The following SLC24A2 variants were observed in gnomAD, a reference collection of about 807,000 sequenced individuals.
SLC24A2 encodes solute carrier family 24 member 2, also known as sodium/potassium/calcium exchanger 2.
In SLC24A2, 36 loss-of-function variants were observed where a neutral mutation model predicts 62.0. That is an observed-to-expected ratio of 0.58 (90% CI 0.44 to 0.77). The LOEUF is 0.77. SLC24A2 is among the 30% of genes least tolerant of loss of function. The pLI is 0.00. For synonymous variants in SLC24A2, 358 were observed against 294.0 expected (o/e 1.22, Z -2.23); for missense variants, 846 against 817.9 (o/e 1.03, Z -0.42).
At chr9:20,147,836 C>G in the SLC24A2 span, among the ~76,000 whole-genome samples, 1 of 152,038 alleles carries the variant, frequency 6.6e-6, no homozygotes, top group African/African-American at 2.4e-5. Flanking sequence ...ACTTCCTCAT[C>G]CAAGTCAGTT....
the SLC24A2 span, among the ~76,000 whole-genome samples, chr9:20,128,779 C>T: frequency 6.6e-6 from 1 of 151,922 alleles, no homozygotes; most frequent in South Asian, 2.1e-4. Flanking sequence ...GAAGTTTGAC[C>T]CTTACCTCAT....
At chr9:19,517,969 C>G (rs977026470) in intron 10 of SLC24A2, among the ~76,000 whole-genome samples, 8 of 139,334 alleles carry the variant, frequency 5.7e-5, no homozygotes, top group Admixed American at 5.7e-4. Flanking sequence ...TCTCACACTT[C>G]TAGTGAAGTT....
intron 1 of SLC24A2, among the ~76,000 whole-genome samples, chr9:19,788,018 T>C (rs1015546704): frequency 1.3e-5 from 2 of 152,264 alleles, no homozygotes; most frequent in African/African-American, 4.8e-5. Context: ...AGTTCTCTTT[T>C]TAGTTTTTCT....
the SLC24A2 span, among the ~76,000 whole-genome samples, chr9:20,273,100 G>A: frequency 6.6e-6 from 1 of 152,204 alleles, no homozygotes; most frequent in Non-Finnish European, 1.5e-5. Context: ...ACACCCAACA[G>A]AGGATGTGGA....
chr9:19,621,644 T>C (rs28497595), intron 3 of SLC24A2, among the ~76,000 whole-genome samples: 2 of 152,156 alleles, frequency 1.3e-5, no homozygotes, highest in Admixed American at 6.5e-5. Flanking sequence ...AAATCTGAAA[T>C]GTGATGTGTT....
the SLC24A2 span, among the ~76,000 whole-genome samples, chr9:20,288,035 GA>G: frequency 3.4e-3 from 144 of 42,012 alleles, no homozygotes; most frequent in Middle Eastern, 0.015. Flanking sequence ...GAGGAGTTAG[GA>G]AAAAAACACA....
chr9:20,069,908 A>C, the SLC24A2 span, among the ~76,000 whole-genome samples: 2 of 152,190 alleles, frequency 1.3e-5, no homozygotes, highest in Non-Finnish European at 2.9e-5. Flanking sequence ...ACTTCCTAGT[A>C]TGTGTTCAGA....
At chr9:19,545,890 G>T (rs1311237878) in intron 8 of SLC24A2, among the ~76,000 whole-genome samples, 1 of 152,048 alleles carries the variant, frequency 6.6e-6, no homozygotes, top group African/African-American at 2.4e-5. Context: ...GCCCTCCTCG[G>T]CCTCCCAGAG....
chr9:20,199,551 A>G, the SLC24A2 span, among the ~76,000 whole-genome samples: 5 of 152,180 alleles, frequency 3.3e-5, no homozygotes, highest in Admixed American at 6.5e-5. Context: ...GAGAATCTCT[A>G]TTAACTAGAA....
chr9:20,169,579 A>G, the SLC24A2 span, among the ~76,000 whole-genome samples: 1 of 152,014 alleles, frequency 6.6e-6, no homozygotes, highest in Non-Finnish European at 1.5e-5. Context: ...CAGAAGAGAG[A>G]TAACAATCAC....
At chr9:19,643,132 T>A (rs1818550577) in intron 2 of SLC24A2, among the ~76,000 whole-genome samples, 1 of 152,104 alleles carries the variant, frequency 6.6e-6, no homozygotes, top group Admixed American at 6.6e-5. Flanking sequence ...GCATATCAAA[T>A]GTAAGTTGTC....
At chr9:20,267,581 G>A in the SLC24A2 span, among the ~76,000 whole-genome samples, 36 of 152,160 alleles carry the variant, frequency 2.4e-4, no homozygotes, top group Admixed American at 7.9e-4. Context: ...TCTAAGGGGA[G>A]GCATTGGATG....
the SLC24A2 span, among the ~76,000 whole-genome samples, chr9:19,850,406 C>T: frequency 6.6e-6 from 1 of 151,988 alleles, no homozygotes; most frequent in African/African-American, 2.4e-5. Flanking sequence ...ATGTGCAAAG[C>T]ATATATATAT....
At chr9:19,533,681 A>C (rs371316785) in intron 8 of SLC24A2, among the ~76,000 whole-genome samples, 3 of 152,190 alleles carry the variant, frequency 2.0e-5, no homozygotes, top group Admixed American at 6.5e-5. Context: ...ACTGAGCACC[A>C]CTAAGACCAG....
intron 6 of SLC24A2, among the ~76,000 whole-genome samples, chr9:19,574,670 T>G (rs1835953639): frequency 6.6e-6 from 1 of 152,188 alleles, no homozygotes; most frequent in Non-Finnish European, 1.5e-5. Context: ...ATAAACTATT[T>G]GGATCTTTAT....
At chr9:20,025,525 T>TA in the SLC24A2 span, among the ~76,000 whole-genome samples, 2 of 152,114 alleles carry the variant, frequency 1.3e-5, no homozygotes, top group African/African-American at 4.8e-5. Context: ...TCCCTGGTAG[T>TA]AATAATAATA....
chr9:19,767,560 T>A (rs1822556127), intron 2 of SLC24A2, among the ~76,000 whole-genome samples: 1 of 151,932 alleles, frequency 6.6e-6, no homozygotes, highest in Non-Finnish European at 1.5e-5. Context: ...GGGAGGGAGT[T>A]CCCCAACCCC....
chr9:19,693,867 T>C (rs951416187), intron 2 of SLC24A2, among the ~76,000 whole-genome samples: 1 of 152,082 alleles, frequency 6.6e-6, no homozygotes, highest in Non-Finnish European at 1.5e-5. Context: ...TCTTTGTTCA[T>C]TAACTAGAAT....
At chr9:19,836,316 T>C in the SLC24A2 span, among the ~76,000 whole-genome samples, 3 of 152,050 alleles carry the variant, frequency 2.0e-5, no homozygotes, top group Admixed American at 6.5e-5. Flanking sequence ...ATCAACAAAA[T>C]TGATAGACCA....
Sources: allele counts gnomAD v4.1 joint callset (sites outside exome capture counted in the v4.1 genomes callset), GRCh38; gene constraint gnomAD v4.1.1; transcripts MANE v1.5; gene names NCBI Gene and HGNC (gene_info 2026-07-23, HGNC 2026-07-21).